HDAC4: variants seen among roughly 807,000 people sequenced by gnomAD.
HDAC4 encodes histone deacetylase 4.
A neutral mutation model predicts 135.1 loss-of-function variants in HDAC4; 16 were observed. That is an observed-to-expected ratio of 0.12 (90% CI 0.08 to 0.18). HDAC4 has a LOEUF of 0.18. Among genes scored for constraint, HDAC4 ranks in the 10% least tolerant of loss-of-function variants. The pLI is 1.00. For synonymous variants in HDAC4, 685 were observed against 653.4 expected, an observed-to-expected ratio of 1.05 and a Z score of -0.74; for missense variants, 1,143 against 1,511.8, an observed-to-expected ratio of 0.76 and a Z score of 4.05.
At chr2:239,290,259 C>A (rs1050021696) in intron 2 of HDAC4, among the ~76,000 whole-genome samples, 5 of 152,196 alleles carry the variant, frequency 3.3e-5, no homozygotes, top group African/African-American at 1.2e-4. Context: ...TCCCTGTCAG[C>A]TGAGCTAATT....
chr2:239,056,113 C>T lies in HDAC4; in HGVS notation c.3004-1280G>A, dbSNP rs544614553. Among the ~76,000 whole-genome samples, 15 of 152,314 alleles carry T rather than the reference C, an allele frequency of 9.8e-5. No individual in the cohort carries two copies. The East Asian group carries it at 1.7e-3, about 18-fold the overall frequency. ...CAGTGGCAGCTCCGCCAGGCCAGGG[C>T]GCCAGGCAGAAACCACAGCAGGGCC... On this transcript the variant is annotated intron_variant, in intron 24 of 26. Transcript: ENST00000543185.
At chr2:239,060,721 C>T (rs998936958) in intron 24 of HDAC4, among the ~76,000 whole-genome samples, 6 of 152,232 alleles carry the variant, frequency 3.9e-5, no homozygotes, top group South Asian at 2.1e-4. Flanking sequence ...GGACGTTTAC[C>T]GGAGACACGG....
chr2:239,269,372 T>C (rs2049935270), intron 2 of HDAC4, among the ~76,000 whole-genome samples: 1 of 152,174 alleles, frequency 6.6e-6, no homozygotes, highest in Non-Finnish European at 1.5e-5. Context: ...CATGCATGCA[T>C]GCACCTAGCA....
intron 1 of HDAC4, among the ~76,000 whole-genome samples, chr2:239,377,405 T>A (rs1215872198): frequency 6.6e-6 from 1 of 152,212 alleles, no homozygotes; most frequent in Non-Finnish European, 1.5e-5. Flanking sequence ...TGCTCCAGGC[T>A]GCAACACAGC....
chr2:239,063,035 C>T (rs1243185545), intron 24 of HDAC4, among the ~76,000 whole-genome samples: 3 of 152,090 alleles, frequency 2.0e-5, no homozygotes, highest in Non-Finnish European at 4.4e-5. Flanking sequence ...TGCCTGCTGT[C>T]GCTCCTCCGG....
At position 239,156,701 on chromosome 2, in the gene HDAC4, C is replaced by G. The variant is rs144387989; in HGVS notation, c.684G>C (p.Pro228=). Residue 228 remains proline, a synonymous_variant, in exon 7 of 27, where the codon CCG becomes CCC. Transcript: ENST00000543185. ...CTTTGGCGTCGTACATTCCCAGGAC[C>G]GGGTGGTTATAGGAGGTCGACACTC... is the stretch of plus-strand genomic sequence containing the variant. ...QSGVSTSYNH[P]VLGMYDAKDD... The G allele has an allele frequency of 6.2e-7, 1 of 1,614,118 alleles. No individual in the cohort carries two copies. The highest frequency in any genetic ancestry group is 1.7e-5 in the Admixed American group (1 of 60,024).
intron 16 of HDAC4, among the ~76,000 whole-genome samples, chr2:239,102,345 C>A (rs552002259): frequency 1.3e-4 from 20 of 152,318 alleles, no homozygotes; most frequent in Non-Finnish European, 2.4e-4. Flanking sequence ...TGTGCAGGTG[C>A]TTTCAGCCAG....
rs1160395146 is a variant in HDAC4, at chr2:239,349,765, C to A, written c.22+2913G>T. ...CACGGCAGGGAAAGATGACAGCGGA[C>A]AGGGCAGAGGAGGCAGCCAGCAGAC... is the stretch of plus-strand genomic sequence containing the variant. On this transcript the variant is annotated intron_variant, in intron 2 of 26. Coordinates refer to ENST00000543185, the MANE Select transcript of HDAC4 (RefSeq NM_001378414.1). This position sits in a 1 kb window ranked among gnomAD's most constrained non-coding sequence, Gnocchi z 5.7. 6.6e-6 allele frequency among the ~76,000 whole-genome samples: 1 copy of A among 152,240 alleles called. No individual in the cohort carries two copies. Among genetic ancestry groups the A allele is most frequent in the African/African-American group, 2.4e-5 (1 of 41,466 alleles).
intron 2 of HDAC4, among the ~76,000 whole-genome samples, chr2:239,347,016 C>T (rs564960176): frequency 5.3e-5 from 8 of 151,312 alleles, no homozygotes; most frequent in Admixed American, 2.6e-4. Context: ...CCCCATCACA[C>T]GCACACACCC....
intron 2 of HDAC4, among the ~76,000 whole-genome samples, chr2:239,344,292 C>A (rs1575723048): frequency 1.3e-5 from 2 of 152,138 alleles, no homozygotes; most frequent in African/African-American, 4.8e-5. Flanking sequence ...ACCGGGAGTT[C>A]ATTCTTAAAT....
chr2:239,181,625 G>A lies in HDAC4; in HGVS notation c.340-5062C>T, dbSNP rs374114327. ...CTTCATCAGGGCAGCGCTGGCCTCC[G>A]AAGACTCACAGGCGGCCCATAGCAC... On this transcript the variant is annotated intron_variant, in intron 4 of 26. Transcript: ENST00000543185. 2.8e-4 allele frequency among the ~76,000 whole-genome samples: 43 copies of A among 152,366 alleles called. No individual in the cohort carries two copies. In the South Asian group the frequency reaches 6.0e-3, roughly 21 times the overall value.
intron 24 of HDAC4, among the ~76,000 whole-genome samples, chr2:239,058,466 GC>G (rs777194535): frequency 6.6e-6 from 1 of 152,180 alleles, no homozygotes; most frequent in Non-Finnish European, 1.5e-5. Flanking sequence ...ATAATATATT[GC>G]CCAGGCTTTT....
intron 3 of HDAC4, among the ~76,000 whole-genome samples, chr2:239,199,108 CCCCCCACCA>C (rs71885506): frequency 0.88 from 131,412 of 149,302 alleles, 57,956 homozygotes; most frequent in South Asian, 0.96. Context: ...CTGCTTCCTG[CCCCCCACCA>C]CCCCCACCCC....
At position 239,052,857 on chromosome 2, in the gene HDAC4, G is replaced by C. The variant is rs541235328; in HGVS notation, c.*240C>G. The C allele has an allele frequency of 3.5e-6, 2 of 573,558 alleles. No homozygotes were observed. Among genetic ancestry groups the C allele is most frequent in the Admixed American group, 3.0e-5 (1 of 33,582 alleles). The allele number at this position is 573,558 out of a possible 1,614,324, so 35.5% of individuals were successfully genotyped here. A position where few individuals can be genotyped will look rare whatever the true frequency, so the allele number is the denominator to read the frequency against. On this transcript the variant is annotated 3_prime_UTR_variant, in exon 27 of 27. Transcript: ENST00000543185. ...TTGGCTTCCGCGTGTCCGTGTGTCT[G>C]CGCGTCGCCGGCGTCTGTCCCGTGT...
At chr2:239,149,373 AAAAT>A (rs113606701) in intron 7 of HDAC4, among the ~76,000 whole-genome samples, 72 of 149,472 alleles carry the variant, frequency 4.8e-4, no homozygotes, top group African/African-American at 1.2e-3. Context: ...GTTCCGTTTC[AAAAT>A]AAATAAATAA....
chr2:239,107,365 G>GC (rs1323480413), intron 15 of HDAC4, among the ~76,000 whole-genome samples: 10 of 152,322 alleles, frequency 6.6e-5, no homozygotes, highest in Middle Eastern at 3.4e-3. Context: ...AACAAGTGAG[G>GC]CCGCTGCCAT....
chr2:239,173,618 G>A (rs1316600767), intron 5 of HDAC4, among the ~76,000 whole-genome samples: 1 of 152,160 alleles, frequency 6.6e-6, no homozygotes, highest in Non-Finnish European at 1.5e-5. Flanking sequence ...AAATGTTCCT[G>A]CCATCAGGAC....
At chr2:239,282,918 A>T (rs974975494) in intron 2 of HDAC4, among the ~76,000 whole-genome samples, 1 of 151,506 alleles carries the variant, frequency 6.6e-6, no homozygotes, top group African/African-American at 2.4e-5. Flanking sequence ...TCTACACACA[A>T]TGTACACACC....
chr2:239,275,991 C>T (rs765846387), intron 2 of HDAC4, among the ~76,000 whole-genome samples: 2 of 152,082 alleles, frequency 1.3e-5, no homozygotes, highest in Non-Finnish European at 2.9e-5. Context: ...GGACAGGCTC[C>T]GCCCAAGCAG....
Sources: allele counts gnomAD v4.1 joint callset (sites outside exome capture counted in the v4.1 genomes callset), GRCh38; gene constraint gnomAD v4.1.1; non-coding constraint Gnocchi (gnomAD v3.1); transcripts MANE v1.5; gene names NCBI Gene and HGNC (gene_info 2026-07-23, HGNC 2026-07-21).